The following IGF1R variants were observed in gnomAD, a reference collection of about 807,000 sequenced individuals.
IGF1R encodes the protein insulin like growth factor 1 receptor, also known as insulin-like growth factor 1 receptor.
In IGF1R, 44 loss-of-function variants were observed where a neutral mutation model predicts 144.6. That is an observed-to-expected ratio of 0.30 (90% confidence interval 0.24 to 0.39). The LOEUF is 0.39. IGF1R is among the 10% of genes least tolerant of loss of function. The pLI is 1.00. For missense variants in IGF1R, 1,355 were observed against 1,833.7 expected (o/e 0.74, Z 4.77); for synonymous variants, 795 against 722.8 (o/e 1.10, Z -1.60).
At chr15:98,654,574 T>C (rs1250321379) in intron 1 of IGF1R, among the ~76,000 whole-genome samples, 1 of 152,174 alleles carries the variant, frequency 6.6e-6, no homozygotes. Flanking sequence ...TTTTTAATTG[T>C]AAAGCATACA....
intron 5 of IGF1R, among the ~76,000 whole-genome samples, chr15:98,902,772 A>G (rs2014550537): frequency 6.6e-6 from 1 of 152,162 alleles, no homozygotes; most frequent in African/African-American, 2.4e-5. Context: ...GTTCAATAGG[A>G]TGAAAGTTCT....
chr15:98,759,283 A>G (rs545399579), intron 2 of IGF1R, among the ~76,000 whole-genome samples: 21 of 152,332 alleles, frequency 1.4e-4, no homozygotes, highest in African/African-American at 4.8e-4. Flanking sequence ...TCTGATGTTC[A>G]CAGTCTGTTT....
rs2017075694 is a variant in IGF1R at position 98,957,955 on chromosome 15, C to T, written c.*513C>T. ...GGAAATTTTTACCTTTATCTTTCACCTTTCTAGGGACATGAAATTTACAAA... is the reference window on the plus strand; with the variant it reads ...GGAAATTTTTACCTTTATCTTTCACTTTTCTAGGGACATGAAATTTACAAA... On this transcript the variant is annotated 3_prime_UTR_variant, in exon 21 of 21. Transcript: ENST00000650285. The T allele has an allele frequency of 1.7e-5, 4 of 237,376 alleles. No individual in the cohort carries two copies. The South Asian group carries it at 5.2e-4, about 31-fold the overall frequency. 14.7% of individuals were successfully genotyped at this position (237,376 alleles called of 1,614,324 possible). A position where few individuals can be genotyped will look rare whatever the true frequency, so the allele number is the denominator to read the frequency against.
At chr15:98,898,061 A>G (rs887566229) in intron 4 of IGF1R, among the ~76,000 whole-genome samples, 12 of 152,130 alleles carry the variant, frequency 7.9e-5, no homozygotes, top group African/African-American at 2.7e-4. Context: ...GTTCTTCTGA[A>G]TTAGTTGATA....
chr15:98,719,248 T>C (rs1218906808), intron 2 of IGF1R, among the ~76,000 whole-genome samples: 2 of 152,192 alleles, frequency 1.3e-5, no homozygotes, highest in Non-Finnish European at 2.9e-5. Context: ...AGCAGCTGAA[T>C]GCAGAAGTGT....
chr15:98,944,593 T>TA (rs1224915446), intron 19 of IGF1R, among the ~76,000 whole-genome samples: 2 of 152,226 alleles, frequency 1.3e-5, no homozygotes, highest in African/African-American at 2.4e-5. Flanking sequence ...CAGATTGTAT[T>TA]CAGCAGCACG....
intron 2 of IGF1R, among the ~76,000 whole-genome samples, chr15:98,785,146 G>C (rs545331013): frequency 6.6e-6 from 1 of 152,276 alleles, no homozygotes; most frequent in South Asian, 2.1e-4. Context: ...AATTTGACTT[G>C]ATTGGTTAGT....
At chr15:98,705,967 T>A (rs1235068967) in intron 1 of IGF1R, among the ~76,000 whole-genome samples, 1 of 152,260 alleles carries the variant, frequency 6.6e-6, no homozygotes, top group Non-Finnish European at 1.5e-5. Flanking sequence ...CTGCATTGTC[T>A]CTGGCCTGTG....
chr15:98,846,204 C>T lies in IGF1R; in HGVS notation c.641-45121C>T, dbSNP rs576473029. On this transcript the variant is annotated intron_variant, in intron 2 of 20. Transcript: ENST00000650285. The stretch of plus-strand genomic sequence containing the variant: ...TTAAAATTACACCAGTTGCATAAGC[C>T]TGCATAAAAAGCAGACTCCTACATA... Among the ~76,000 whole-genome samples the T allele has an allele frequency of 3.9e-5, 6 of 152,220 alleles. No homozygotes were observed. The South Asian group carries it at 1.2e-3, about 32-fold the overall frequency.
At chr15:98,955,622 C>G (rs962566629) in intron 20 of IGF1R, among the ~76,000 whole-genome samples, 1 of 152,230 alleles carries the variant, frequency 6.6e-6, no homozygotes, top group African/African-American at 2.4e-5. Flanking sequence ...CCCTCACACC[C>G]AGGCCCACCC....
At chr15:98,760,679 G>A (rs1437713602) in intron 2 of IGF1R, among the ~76,000 whole-genome samples, 3 of 152,228 alleles carry the variant, frequency 2.0e-5, no homozygotes, top group Admixed American at 6.5e-5. Context: ...AAGGAGGCCA[G>A]ACTGGCACCA....
At chr15:98,909,571 AG>A (rs2014909362) in intron 6 of IGF1R, among the ~76,000 whole-genome samples, 1 of 152,112 alleles carries the variant, frequency 6.6e-6, no homozygotes, top group Admixed American at 6.5e-5. Context: ...ATTATTTTTC[AG>A]GGAAGAGCCA....
Position 98,955,341 on chromosome 15 carries a change from T to C in IGF1R, c.3723-1720T>C, listed in dbSNP as rs142487759. On this transcript the variant is annotated intron_variant, in intron 20 of 20. Coordinates refer to ENST00000650285, the MANE Select transcript of IGF1R (RefSeq NM_000875.5). The stretch of plus-strand genomic sequence containing the variant: ...GGCCTTCATATTTTGTCTAATTCTT[T>C]TCTCCCCAGAACAGGAACCTGCACC... Among the ~76,000 whole-genome samples, 235 of 152,344 alleles carry C rather than the reference T, an allele frequency of 1.5e-3. 2 individuals carry two copies. The highest frequency in any genetic ancestry group is 5.3e-3 in the African/African-American group (220 of 41,572).
At chr15:98,773,037 TA>T (rs1299344133) in intron 2 of IGF1R, among the ~76,000 whole-genome samples, 1 of 152,208 alleles carries the variant, frequency 6.6e-6, no homozygotes, top group East Asian at 1.9e-4. Context: ...TCTCTTGAGT[TA>T]ACTACTGGTG....
intron 1 of IGF1R, among the ~76,000 whole-genome samples, chr15:98,680,282 T>C (rs1293731322): frequency 6.6e-6 from 1 of 152,006 alleles, no homozygotes; most frequent in Non-Finnish European, 1.5e-5. Context: ...TTTTTTTTTT[T>C]TTGAGACAGA....
chr15:98,947,789 C>T (rs574246153), intron 19 of IGF1R, among the ~76,000 whole-genome samples: 1 of 152,202 alleles, frequency 6.6e-6, no homozygotes, highest in Non-Finnish European at 1.5e-5. Context: ...GATACCCCCT[C>T]CCAGCCAGTG....
At chr15:98,860,149 A>G (rs1283188151) in intron 2 of IGF1R, among the ~76,000 whole-genome samples, 1 of 152,224 alleles carries the variant, frequency 6.6e-6, no homozygotes, top group Admixed American at 6.5e-5. Context: ...TGAAGTATTG[A>G]CTGATCCTTG....
intron 2 of IGF1R, among the ~76,000 whole-genome samples, chr15:98,868,379 G>T (rs1215906676): frequency 7.3e-6 from 1 of 137,718 alleles, no homozygotes; most frequent in Non-Finnish European, 1.6e-5. Context: ...TTGGGGGGGG[G>T]GTCCTTTAGA....
chr15:98,713,418 G>A (rs1029183075), intron 2 of IGF1R, among the ~76,000 whole-genome samples: 3 of 152,182 alleles, frequency 2.0e-5, no homozygotes, highest in Non-Finnish European at 4.4e-5. Flanking sequence ...CATTGTTGCT[G>A]TCATTGCTAC....
Sources: allele counts gnomAD v4.1 joint callset (sites outside exome capture counted in the v4.1 genomes callset), GRCh38; gene constraint gnomAD v4.1.1; transcripts MANE v1.5; gene names NCBI Gene and HGNC (gene_info 2026-07-23, HGNC 2026-07-21).